The following SNTG1 variants were observed in gnomAD, a reference collection of about 807,000 sequenced individuals.
SNTG1 encodes gamma-1-syntrophin.
In SNTG1, 39 loss-of-function variants were observed where a neutral mutation model predicts 74.7. That is an observed-to-expected ratio of 0.52 (90% CI 0.40 to 0.68). The LOEUF is 0.68. Ranked by LOEUF, SNTG1 falls within the 30% of genes least tolerant of loss-of-function variation. SNTG1 has a pLI of 0.00. For synonymous variants in SNTG1, 254 were observed against 217.1 expected (o/e 1.17, Z -1.49); for missense variants, 685 against 609.5 (o/e 1.12, Z -1.30).
At chr8:50,634,009 T>A (rs2095022240) in intron 13 of SNTG1, among the ~76,000 whole-genome samples, 1 of 152,146 alleles carries the variant, frequency 6.6e-6, no homozygotes, top group Admixed American at 6.5e-5. Flanking sequence ...TTCACAAAGT[T>A]CCCCATATGC....
intron 11 of SNTG1, among the ~76,000 whole-genome samples, chr8:50,550,901 C>T (rs1363834052): frequency 6.6e-6 from 1 of 151,998 alleles, no homozygotes; most frequent in Non-Finnish European, 1.5e-5. Flanking sequence ...TTCAGTTTTT[C>T]CCTAGTGCTT....
chr8:50,039,602 C>T (rs1205324979), intron 1 of SNTG1, among the ~76,000 whole-genome samples: 4 of 151,828 alleles, frequency 2.6e-5, no homozygotes, highest in African/African-American at 7.3e-5. Flanking sequence ...ATATTATCTT[C>T]CTTTAATCTT....
intron 1 of SNTG1, among the ~76,000 whole-genome samples, chr8:49,919,724 A>C (rs1260198731): frequency 1.3e-5 from 2 of 152,138 alleles, no homozygotes; most frequent in East Asian, 3.9e-4. Flanking sequence ...GTTATTCCAG[A>C]ACAGTTATTT....
intron 17 of SNTG1, among the ~76,000 whole-genome samples, chr8:50,710,483 G>T (rs2095458549): frequency 6.6e-6 from 1 of 152,004 alleles, no homozygotes; most frequent in Non-Finnish European, 1.5e-5. Context: ...AACTAGAAAA[G>T]TCAAAGTCTG....
intron 8 of SNTG1, among the ~76,000 whole-genome samples, chr8:50,496,968 T>G (rs1055567258): frequency 2.6e-5 from 3 of 117,358 alleles, no homozygotes; most frequent in Non-Finnish European, 5.6e-5. Flanking sequence ...ATTTAAAGCA[T>G]AGAAGAAAAA....
At chr8:50,229,784 C>T (rs1000575191) in intron 2 of SNTG1, among the ~76,000 whole-genome samples, 5 of 151,354 alleles carry the variant, frequency 3.3e-5, no homozygotes, top group Admixed American at 2.0e-4. Flanking sequence ...AATTCAAATT[C>T]TCCTCCAGCT....
intron 1 of SNTG1, among the ~76,000 whole-genome samples, chr8:49,979,476 A>T (rs902637674): frequency 6.6e-6 from 1 of 152,042 alleles, no homozygotes; most frequent in African/African-American, 2.4e-5. Context: ...GATCATTTTC[A>T]TCTGTTGCCC....
intron 17 of SNTG1, among the ~76,000 whole-genome samples, chr8:50,737,998 C>G (rs2095533243): frequency 6.6e-6 from 1 of 152,056 alleles, no homozygotes; most frequent in Non-Finnish European, 1.5e-5. Flanking sequence ...AAAACCAGCA[C>G]AAGACTAGGA....
At chr8:50,070,865 C>T (rs1821304563) in intron 1 of SNTG1, among the ~76,000 whole-genome samples, 1 of 152,216 alleles carries the variant, frequency 6.6e-6, no homozygotes, top group African/African-American at 2.4e-5. Context: ...TTAGTATTCT[C>T]ACTTGCAAGG....
chr8:50,687,252 TAAAC>T (rs771899191), intron 15 of SNTG1, among the ~76,000 whole-genome samples: 55 of 133,460 alleles, frequency 4.1e-4, no homozygotes, highest in Non-Finnish European at 5.6e-4. Flanking sequence ...AAAAATGAAA[TAAAC>T]AAACAAAAAA....
At chr8:50,512,509 G>T (rs893752187) in intron 9 of SNTG1, among the ~76,000 whole-genome samples, 2 of 152,168 alleles carry the variant, frequency 1.3e-5, no homozygotes, top group African/African-American at 4.8e-5. Context: ...CCTGCAGAGT[G>T]TTTTCCAACT....
At chr8:50,152,373 T>C (rs962050051) in intron 1 of SNTG1, among the ~76,000 whole-genome samples, 12 of 152,218 alleles carry the variant, frequency 7.9e-5, no homozygotes, top group Admixed American at 5.9e-4. Flanking sequence ...TTTGCCAGTC[T>C]GTGTCTTTTA....
At chr8:50,655,928 G>T (rs1585976960) in intron 13 of SNTG1, among the ~76,000 whole-genome samples, 1 of 152,128 alleles carries the variant, frequency 6.6e-6, no homozygotes, top group East Asian at 1.9e-4. Flanking sequence ...TGGTCTGCTG[G>T]CATGTGTTCC....
intron 1 of SNTG1, among the ~76,000 whole-genome samples, chr8:50,087,526 T>C (rs188701850): frequency 6.6e-6 from 1 of 152,302 alleles, no homozygotes; most frequent in African/African-American, 2.4e-5. Context: ...TTCTCTTTTG[T>C]TTCTAAAATA....
chr8:49,946,031 T>C (rs552286907), intron 1 of SNTG1, among the ~76,000 whole-genome samples: 191 of 152,266 alleles, frequency 1.3e-3, no homozygotes, highest in African/African-American at 4.5e-3. Flanking sequence ...GAAGCAAACT[T>C]GGATCTAAGT....
At chr8:49,978,299 G>A (rs1812374073) in intron 1 of SNTG1, among the ~76,000 whole-genome samples, 1 of 152,092 alleles carries the variant, frequency 6.6e-6, no homozygotes, top group Non-Finnish European at 1.5e-5. Context: ...AAGAGGAGAG[G>A]AGAGGGAAGA....
intron 18 of SNTG1, among the ~76,000 whole-genome samples, chr8:50,778,419 A>G (rs1160237567): frequency 6.6e-6 from 1 of 151,724 alleles, no homozygotes; most frequent in Non-Finnish European, 1.5e-5. Flanking sequence ...ATGGTATCTC[A>G]TTGTGGTTTT....
At chr8:50,714,758 C>T (rs1220625627) in intron 17 of SNTG1, among the ~76,000 whole-genome samples, 1 of 151,932 alleles carries the variant, frequency 6.6e-6, no homozygotes, top group East Asian at 1.9e-4. Context: ...CAGATTGGGC[C>T]ACATGATCAA....
chr8:49,933,256 C>T (rs909799062), intron 1 of SNTG1, among the ~76,000 whole-genome samples: 3 of 152,178 alleles, frequency 2.0e-5, no homozygotes, highest in African/African-American at 4.8e-5. Context: ...TCCTCATCCT[C>T]GCCAATGCTT....
Sources: allele counts gnomAD v4.1 joint callset (sites outside exome capture counted in the v4.1 genomes callset), GRCh38; gene constraint gnomAD v4.1.1; transcripts MANE v1.5; gene names NCBI Gene and HGNC (gene_info 2026-07-23, HGNC 2026-07-21).